Variants in RRP1B observed in about 807,000 individuals in gnomAD.
RRP1B encodes ribosomal RNA processing 1B.
RRP1B carries 56 observed loss-of-function variants against 80.2 expected under a neutral mutation model. The ratio of observed to expected loss-of-function variants is 0.70; its 90% CI spans 0.56 to 0.87. The LOEUF (loss-of-function observed/expected upper bound fraction) is 0.87. RRP1B is among the 40% of genes least tolerant of loss of function. The pLI, the probability that RRP1B is intolerant of heterozygous loss-of-function variation, is 0.00. For missense variants in RRP1B, 807 were observed against 939.8 expected (o/e 0.86, Z 1.85); for synonymous variants, 351 against 357.6 (o/e 0.98, Z 0.21).
chr21:43,672,090 T>G (rs2083001637), intron 2 of RRP1B, among the ~76,000 whole-genome samples: 2 of 152,248 alleles, frequency 1.3e-5, no homozygotes, highest in African/African-American at 2.4e-5. Flanking sequence ...CTTAACACAG[T>G]TCTTGCAGAC....
chr21:43,676,878 G>T lies in RRP1B; in HGVS notation c.760G>T (p.Val254Leu). ...LSAEEIPENEVSLRRAVSKKK... is the reference protein window; with the variant it reads ...LSAEEIPENELSLRRAVSKKK... ...TGCTGAGGAGATACCTGAAAATGAGGTATCCTTGAGAAGAGCTGTCAGTAA... is the reference window on the plus strand; with the variant it reads ...TGCTGAGGAGATACCTGAAAATGAGTTATCCTTGAGAAGAGCTGTCAGTAA... Residue 254 changes from valine to leucine, a missense_variant, in exon 8 of 16, where the codon GTA becomes TTA. Physicochemically the swap from Val to Leu is conservative, Grantham distance 32. Coordinates refer to ENST00000340648, the MANE Select transcript of RRP1B (RefSeq NM_015056.3). 6.2e-7 allele frequency: 1 copy of T among 1,614,240 alleles called. No homozygotes were observed. The highest frequency in any genetic ancestry group is 1.1e-5 in the South Asian group (1 of 91,084).
In RRP1B at chr21:43,692,069, G is replaced by A. The variant is rs567950416; in HGVS notation, c.2083+567G>A. ...AATTGCCTGGGACCTGTTAAGAGAA[G>A]CTACCTGGTGAGACGTGATCCAAAA... On this transcript the variant is annotated intron_variant, in intron 15 of 15. Transcript: ENST00000340648. 1.1e-4 allele frequency among the ~76,000 whole-genome samples: 17 copies of A among 152,288 alleles called. No homozygotes were observed. The East Asian group carries it at 3.3e-3, about 29-fold the overall frequency.
Position 43,693,145 on chromosome 21 carries a change from C to T in RRP1B, c.2084-45C>T. The T allele has an allele frequency of 6.2e-7, 1 of 1,601,242 alleles. No homozygotes were observed. The highest frequency in any genetic ancestry group is 8.5e-7 in the Non-Finnish European group (1 of 1,170,644). ...GCTGTCTAAGGTGTTGAAGGGACAG[C>T]TGTCGGACCCACTTAATATGGGGCC... On this transcript the variant is annotated intron_variant, in intron 15 of 15. Transcript: ENST00000340648. The surrounding 1 kb of genome is among the most constrained non-coding windows in gnomAD (Gnocchi z 4.1).
chr21:43,689,401 TAGTG>T (rs1391686999), intron 13 of RRP1B, among the ~76,000 whole-genome samples: 2 of 152,162 alleles, frequency 1.3e-5, no homozygotes, highest in Non-Finnish European at 2.9e-5. Context: ...TGCAAGTGGC[TAGTG>T]AGTGAGTTTA....
intron 2 of RRP1B, among the ~76,000 whole-genome samples, chr21:43,670,490 A>G (rs1379151796): frequency 1.3e-5 from 2 of 152,262 alleles, no homozygotes; most frequent in Non-Finnish European, 2.9e-5. Context: ...CGCTAAGCCC[A>G]CCACCAAAGC....
intron 1 of RRP1B, among the ~76,000 whole-genome samples, chr21:43,664,327 CAAA>C (rs11351123): frequency 9.7e-5 from 10 of 103,350 alleles, no homozygotes; most frequent in Admixed American, 2.0e-4. Context: ...AACTCCGTCT[CAAA>C]AAAAAAAAAA....
At position 43,684,178 on chromosome 21, in the gene RRP1B, TCTC is replaced by T. The variant is rs554337951; in HGVS notation, c.892-372_892-370del. 9.1e-3 allele frequency among the ~76,000 whole-genome samples: 1,370 copies of T among 150,100 alleles called. 21 individuals carry two copies. Among genetic ancestry groups the T allele is most frequent in the African/African-American group, 0.032 (1,319 of 40,806 alleles). On this transcript the variant is annotated intron_variant, in intron 9 of 15. Coordinates refer to ENST00000340648, the MANE Select transcript of RRP1B (RefSeq NM_015056.3). ...GCTCTGCCTCCTGAGTTCACGCCAT[TCTC>T]CTGCCTCAGCCTCCCGAGTAGCTGG...
At chr21:43,690,580 C>T in intron 14 of RRP1B, 140 bp downstream of exon 14, 1 of 930,044 alleles carries the variant, frequency 1.1e-6, no homozygotes, top group Non-Finnish European at 1.6e-6. Context: ...GTTCCACGGC[C>T]AGGGTAGCAT....
chr21:43,690,630 G>A (rs1267299674), intron 14 of RRP1B, among the ~76,000 whole-genome samples, 190 bp downstream of exon 14: 1 of 152,206 alleles, frequency 6.6e-6, no homozygotes, highest in African/African-American at 2.4e-5. Flanking sequence ...AGGGATCACA[G>A]TCAGGAAGGG....
At chr21:43,689,347 CAT>C (rs945200388) in intron 13 of RRP1B, among the ~76,000 whole-genome samples, 4 of 152,216 alleles carry the variant, frequency 2.6e-5, no homozygotes, top group Non-Finnish European at 5.9e-5. Flanking sequence ...TTTAAGTGGA[CAT>C]GTGTGGACCT....
chr21:43,679,059 TGTAA>T (rs1363060930), intron 8 of RRP1B, among the ~76,000 whole-genome samples: 1 of 152,080 alleles, frequency 6.6e-6, no homozygotes, highest in African/African-American at 2.4e-5. Flanking sequence ...ATCAGTTGAG[TGTAA>T]GTATTTGGGT....
Position 43,684,658 on chromosome 21 carries a change from A to G in RRP1B, c.989+8A>G. The G allele has an allele frequency of 6.8e-6, 11 of 1,608,582 alleles. No individual in the cohort carries two copies. The highest frequency in any genetic ancestry group is 9.4e-6 in the Non-Finnish European group (11 of 1,174,942). ...CTCCAAACTCATCAAGAAGTCAGTA[A>G]CTGGGGAGAGGGTTCTGACATCATC... On this transcript the variant is annotated splice_region_variant and intron_variant, in intron 10 of 15. Coordinates refer to ENST00000340648, the MANE Select transcript of RRP1B (RefSeq NM_015056.3).
At position 43,691,245 on chromosome 21, in the gene RRP1B, T is replaced by C. The variant is rs1444713518; in HGVS notation, c.2020-194T>C. ...GGACGCTGGGAAGGACAAAGGGCGGTCCTGGTGAAGCCCCGACAGGAGGGT... is the reference window on the plus strand; with the variant it reads ...GGACGCTGGGAAGGACAAAGGGCGGCCCTGGTGAAGCCCCGACAGGAGGGT... On this transcript the variant is annotated intron_variant, in intron 14 of 15. Transcript: ENST00000340648. This position sits in a 1 kb window ranked among gnomAD's most constrained non-coding sequence, Gnocchi z 4.2. 6.6e-6 allele frequency among the ~76,000 whole-genome samples: 1 copy of C among 152,138 alleles called. No individual in the cohort carries two copies. Among genetic ancestry groups the C allele is most frequent in the East Asian group, 1.9e-4 (1 of 5,192 alleles).
Position 43,691,593 on chromosome 21 carries a change from G to T in RRP1B, c.2083+91G>T. 9.4e-7 allele frequency: 1 copy of T among 1,064,908 alleles called. No individual in the cohort carries two copies. Among genetic ancestry groups the T allele is most frequent in the Non-Finnish European group, 1.4e-6 (1 of 691,660 alleles). The allele number at this position is 1,064,908 out of a possible 1,614,324, so 66.0% of individuals were successfully genotyped here. A position where few individuals can be genotyped will look rare whatever the true frequency, so the allele number is the denominator to read the frequency against. ...AGCCTGGTTCCACAAGGCGGTCGGGGAAGAGGGGGGTCCTAGCTCCTCACT... is the reference window on the plus strand; with the variant it reads ...AGCCTGGTTCCACAAGGCGGTCGGGTAAGAGGGGGGTCCTAGCTCCTCACT... On this transcript the variant is annotated intron_variant, in intron 15 of 15. Coordinates refer to ENST00000340648, the MANE Select transcript of RRP1B (RefSeq NM_015056.3). This position sits in a 1 kb window ranked among gnomAD's most constrained non-coding sequence, Gnocchi z 4.2.
intron 2 of RRP1B, among the ~76,000 whole-genome samples, chr21:43,670,367 A>G (rs1248390273): frequency 6.6e-6 from 1 of 152,242 alleles, no homozygotes; most frequent in Non-Finnish European, 1.5e-5. Context: ...TTCGGGTTCC[A>G]TGGAGAGCAG....
chr21:43,674,056 C>G, intron 4 of RRP1B, 101 bp downstream of exon 4: 1 of 858,880 alleles, frequency 1.2e-6, no homozygotes, highest in Non-Finnish European at 1.8e-6. Flanking sequence ...AAACAAGCCA[C>G]AGGCTTAGTG....
Position 43,691,007 on chromosome 21 carries a change from G to C in RRP1B, c.2020-432G>C, listed in dbSNP as rs1036089520. Among the ~76,000 whole-genome samples, 1 of 152,192 alleles carries C rather than the reference G, an allele frequency of 6.6e-6. No individual in the cohort carries two copies. Among genetic ancestry groups the C allele is most frequent in the Non-Finnish European group, 1.5e-5 (1 of 68,054 alleles). On this transcript the variant is annotated intron_variant, in intron 14 of 15. Transcript: ENST00000340648. This position sits in a 1 kb window ranked among gnomAD's most constrained non-coding sequence, Gnocchi z 4.2. ...TCGATGTCATAGAGTCTTCAAGTTA[G>C]AAGTTCAGAACTCTCCAGCAAAAGG...
At chr21:43,690,635 G>C (rs763461310) in intron 14 of RRP1B, among the ~76,000 whole-genome samples, 195 bp downstream of exon 14, 1 of 152,118 alleles carries the variant, frequency 6.6e-6, no homozygotes, top group Non-Finnish European at 1.5e-5. Flanking sequence ...TCACAGTCAG[G>C]AAGGGGACTT....
Position 43,685,733 on chromosome 21 carries a change from TTTTTTTA to T in RRP1B, c.990-16_990-10del, listed in dbSNP as rs758617917. 3,528 of 1,380,792 alleles carry T rather than the reference TTTTTTTA, an allele frequency of 2.6e-3. 49 individuals carry two copies. In the African/African-American group the frequency reaches 0.037, roughly 14 times the overall value. 85.5% of individuals were successfully genotyped at this position (1,380,792 alleles called of 1,614,324 possible). On this transcript the variant is annotated intron_variant, in intron 10 of 15. Transcript: ENST00000340648. ...GGGATTTCTTTATGAACATTTGTTA[TTTTTTTA>T]TTTTTTATTTTTTATTTTTTTATTT...
Sources: allele counts gnomAD v4.1 joint callset (sites outside exome capture counted in the v4.1 genomes callset), GRCh38; gene constraint gnomAD v4.1.1; non-coding constraint Gnocchi (gnomAD v3.1); transcripts MANE v1.5; gene names NCBI Gene and HGNC (gene_info 2026-07-23, HGNC 2026-07-21).